Variants in STXBP5L observed in about 807,000 individuals in gnomAD.
STXBP5L encodes syntaxin binding protein 5L.
A neutral mutation model predicts 144.5 loss-of-function variants in STXBP5L; 65 were observed. The ratio of observed to expected loss-of-function variants is 0.45; its 90% CI spans 0.37 to 0.55. The LOEUF is 0.55. Ranked by LOEUF, STXBP5L falls within the 20% of genes least tolerant of loss-of-function variation. The pLI, the probability that STXBP5L is intolerant of heterozygous loss-of-function variation, is 0.00. For synonymous variants in STXBP5L, 505 were observed against 469.6 expected, an observed-to-expected ratio of 1.08 and a Z score of -0.97; for missense variants, 1,298 against 1,405.5, an observed-to-expected ratio of 0.92 and a Z score of 1.22.
intron 3 of STXBP5L, among the ~76,000 whole-genome samples, chr3:121,035,118 A>G (rs1041721525): frequency 3.9e-5 from 6 of 152,032 alleles, no homozygotes; most frequent in African/African-American, 1.4e-4. Context: ...TTTGGATGTC[A>G]GTCCCCAGAA....
At chr3:121,299,313 A>G (rs1212218386) in intron 19 of STXBP5L, among the ~76,000 whole-genome samples, 14 of 152,186 alleles carry the variant, frequency 9.2e-5, no homozygotes, top group Admixed American at 2.6e-4. Flanking sequence ...TCATATTCAT[A>G]GAAACCTTGA....
At chr3:121,416,487 AT>A (rs1170707165) in intron 25 of STXBP5L, among the ~76,000 whole-genome samples, 36 of 143,830 alleles carry the variant, frequency 2.5e-4, no homozygotes, top group African/African-American at 9.1e-4. Flanking sequence ...TTATTTATTT[AT>A]TTATTTATTT....
chr3:121,056,907 T>C (rs1443450539), intron 5 of STXBP5L, among the ~76,000 whole-genome samples: 5 of 151,132 alleles, frequency 3.3e-5, no homozygotes, highest in Admixed American at 1.3e-4. Context: ...TTAAACAAAT[T>C]AGCAAGACCT....
chr3:120,987,773 TGTC>T, intron 3 of STXBP5L, among the ~76,000 whole-genome samples: 1 of 151,964 alleles, frequency 6.6e-6, no homozygotes, highest in South Asian at 2.1e-4. Flanking sequence ...TTATTTGTGT[TGTC>T]TTAATTTGAT....
At chr3:121,207,417 C>T (rs903821653) in intron 10 of STXBP5L, among the ~76,000 whole-genome samples, 6 of 152,096 alleles carry the variant, frequency 3.9e-5, no homozygotes, top group South Asian at 2.1e-4. Flanking sequence ...AGGACATAGA[C>T]GTGGGCAAGG....
At chr3:121,359,983 T>TATATATTATTACTATATA (rs1553776888) in intron 20 of STXBP5L, among the ~76,000 whole-genome samples, 2 of 110,924 alleles carry the variant, frequency 1.8e-5, no homozygotes, top group East Asian at 2.7e-4. Context: ...TAATATAATA[T>TATATATTATTACTATATA]ATATAATATA....
intron 3 of STXBP5L, among the ~76,000 whole-genome samples, chr3:121,015,709 G>A (rs1381854025): frequency 2.0e-5 from 3 of 152,040 alleles, no homozygotes; most frequent in Non-Finnish European, 2.9e-5. Flanking sequence ...TATACTCAGA[G>A]CATTCTCCCT....
chr3:121,408,771 C>A (rs1287396152), intron 23 of STXBP5L, among the ~76,000 whole-genome samples: 1 of 151,846 alleles, frequency 6.6e-6, no homozygotes, highest in Non-Finnish European at 1.5e-5. Context: ...GGCTTTTGAA[C>A]TGAAGTGGTG....
intron 3 of STXBP5L, among the ~76,000 whole-genome samples, chr3:120,975,048 A>G (rs2107818694): frequency 6.6e-6 from 1 of 152,246 alleles, no homozygotes; most frequent in African/African-American, 2.4e-5. Flanking sequence ...TTCCGTATGA[A>G]CTTTAAAGTA....
Position 121,279,935 on chromosome 3 carries a change from A to G in STXBP5L, c.2089A>G (p.Lys697Glu), listed in dbSNP as rs779511143. 6.2e-7 allele frequency: 1 copy of G among 1,612,114 alleles called. No individual in the cohort carries two copies. The highest frequency in any genetic ancestry group is 2.2e-5 in the East Asian group (1 of 44,844). Residue 697 changes from lysine (K) to glutamate (E), a missense_variant, in exon 19 of 27, where the codon AAA (lysine) becomes GAA (glutamate). Lys to Glu is a moderately conservative substitution (Grantham distance 56, BLOSUM62 1). Transcript: ENST00000471454. ...LYQRQPRSPR[K>E]NKQFIAGLTE... ...CCAGCGACAACCACGGTCTCCTCGAAAAAACAAACAGTTCATTGCAGGTAG... is the reference window on the plus strand; with the variant it reads ...CCAGCGACAACCACGGTCTCCTCGAGAAAACAAACAGTTCATTGCAGGTAG...
rs149443515 is a variant in STXBP5L, at chr3:121,005,284, G to A, written c.288-36416G>A. Among the ~76,000 whole-genome samples the A allele has an allele frequency of 2.7e-3, 408 of 152,226 alleles. 2 individuals carry two copies. Among genetic ancestry groups the A allele is most frequent in the African/African-American group, 9.4e-3 (389 of 41,520 alleles). On this transcript the variant is annotated intron_variant, in intron 3 of 26. Coordinates refer to ENST00000471454, the MANE Select transcript of STXBP5L (RefSeq NM_001308330.2). The stretch of plus-strand genomic sequence containing the variant: ...TTCTTCCTTATTTAGTCTTGAGAGG[G>A]TGTATGTGTCCAGGAATTTATCCAT...
chr3:121,085,104 T>A (rs563316176), intron 5 of STXBP5L, among the ~76,000 whole-genome samples: 2 of 152,308 alleles, frequency 1.3e-5, no homozygotes, highest in East Asian at 1.9e-4. Context: ...TCCTTATAGA[T>A]TCTGGATATT....
chr3:121,273,230 T>C (rs1222159329), intron 18 of STXBP5L, among the ~76,000 whole-genome samples: 1 of 152,104 alleles, frequency 6.6e-6, no homozygotes, highest in Non-Finnish European at 1.5e-5. Flanking sequence ...CACTTTTGTT[T>C]GTCTGTGAAA....
intron 2 of STXBP5L, among the ~76,000 whole-genome samples, chr3:120,929,127 C>T (rs533433127): frequency 6.6e-6 from 1 of 152,144 alleles, no homozygotes; most frequent in Non-Finnish European, 1.5e-5. Context: ...TTGGCTTTCT[C>T]TAGTCAGTAT....
intron 2 of STXBP5L, among the ~76,000 whole-genome samples, chr3:120,915,567 T>G (rs951709721): frequency 6.6e-6 from 1 of 152,142 alleles, no homozygotes; most frequent in African/African-American, 2.4e-5. Context: ...AATGCTTTTG[T>G]TTATAGTGAC....
At chr3:120,996,434 C>T (rs1157341321) in intron 3 of STXBP5L, among the ~76,000 whole-genome samples, 1 of 152,038 alleles carries the variant, frequency 6.6e-6, no homozygotes, top group East Asian at 1.9e-4. Flanking sequence ...TCTTTGTCTT[C>T]ATATACTCAC....
chr3:121,095,882 CT>C (rs968439274), intron 5 of STXBP5L, among the ~76,000 whole-genome samples: 7 of 152,118 alleles, frequency 4.6e-5, no homozygotes, highest in Non-Finnish European at 1.0e-4. Flanking sequence ...GAATATTTAG[CT>C]TTTCCCCTCT....
chr3:121,213,847 C>T (rs899447922), intron 10 of STXBP5L, among the ~76,000 whole-genome samples: 2 of 152,020 alleles, frequency 1.3e-5, no homozygotes, highest in African/African-American at 2.4e-5. Flanking sequence ...TGGTCCTGGG[C>T]TTTTTTGGGT....
chr3:120,950,159 AT>A (rs1244888156), intron 2 of STXBP5L, among the ~76,000 whole-genome samples: 2 of 152,036 alleles, frequency 1.3e-5, no homozygotes, highest in African/African-American at 4.8e-5. Flanking sequence ...TGACTTTTAT[AT>A]TTAAACGTAC....
Sources: gnomAD v4.1 joint callset for allele counts (sites outside exome capture counted in the v4.1 genomes callset) on GRCh38, gnomAD v4.1.1 for gene constraint, MANE v1.5 for transcripts, NCBI Gene and HGNC (gene_info 2026-07-23, HGNC 2026-07-21) for gene names.